FAM3B: variants seen among roughly 807,000 people sequenced by gnomAD.
FAM3B encodes FAM3 metabolism regulating signaling molecule B, also known as protein FAM3B.
In FAM3B, 29 loss-of-function variants were observed where a neutral mutation model predicts 28.4. The observed-to-expected ratio is 1.02, with a 90% CI of 0.76 to 1.39. The LOEUF is 1.39. Among genes scored for constraint, FAM3B ranks in the 40% most tolerant of loss-of-function variants. FAM3B has a pLI of 0.00. For synonymous variants in FAM3B, 91 were observed against 103.0 expected (o/e 0.88, Z 0.71); for missense variants, 266 against 293.9 (o/e 0.91, Z 0.69).
At chr21:41,336,957 C>T (rs186288732) in intron 2 of FAM3B, among the ~76,000 whole-genome samples, 1 of 152,172 alleles carries the variant, frequency 6.6e-6, no homozygotes, top group Non-Finnish European at 1.5e-5. Context: ...TCAACCTATA[C>T]ATTTTTTAAA....
intron 6 of FAM3B, among the ~76,000 whole-genome samples, chr21:41,348,221 C>A (rs2089081872): frequency 6.6e-6 from 1 of 152,192 alleles, no homozygotes; most frequent in Non-Finnish European, 1.5e-5. Context: ...CATCTTTCAG[C>A]AACTTCTCTC....
chr21:41,353,492 G>A (rs778194559), intron 7 of FAM3B, among the ~76,000 whole-genome samples: 4 of 152,216 alleles, frequency 2.6e-5, no homozygotes, highest in Non-Finnish European at 5.9e-5. Context: ...GACTCCAGCA[G>A]ATGTGCATGT....
At chr21:41,335,503 C>T (rs1414759785) in intron 2 of FAM3B, among the ~76,000 whole-genome samples, 1 of 152,142 alleles carries the variant, frequency 6.6e-6, no homozygotes, top group Non-Finnish European at 1.5e-5. Flanking sequence ...CTCCTTCCCA[C>T]CCTCACTCTC....
chr21:41,333,194 A>G (rs370064), intron 2 of FAM3B, among the ~76,000 whole-genome samples: 51,721 of 149,818 alleles, frequency 0.35, 12,397 homozygotes, highest in African/African-American at 0.69. Context: ...TTGATCCATT[A>G]GCCGTTCAGA....
At chr21:41,350,560 C>T (rs1404722405) in intron 7 of FAM3B, among the ~76,000 whole-genome samples, 1 of 152,228 alleles carries the variant, frequency 6.6e-6, no homozygotes, top group Non-Finnish European at 1.5e-5. Context: ...ACCCCAAACC[C>T]AGATCCCTCC....
At chr21:41,327,491 C>T (rs1451790237) in intron 2 of FAM3B, among the ~76,000 whole-genome samples, 1 of 152,160 alleles carries the variant, frequency 6.6e-6, no homozygotes, top group Admixed American at 6.5e-5. Flanking sequence ...GCAAAGAGAC[C>T]CTGCCTTATT....
intron 2 of FAM3B, 87 bp downstream of exon 2, chr21:41,323,153 G>T (rs1157030881): frequency 3.9e-6 from 6 of 1,554,826 alleles, no homozygotes; most frequent in East Asian, 2.3e-5. Flanking sequence ...CTGGAGGCTG[G>T]GGGGCCCTGA....
chr21:41,346,983 A>G (rs746658582), intron 5 of FAM3B, 30 bp from the exon 6 acceptor site: 38 of 1,601,834 alleles, frequency 2.4e-5, no homozygotes, highest in Non-Finnish European at 3.2e-5. Flanking sequence ...AACAGCAAAG[A>G]CCCTAAAACT....
chr21:41,350,688 A>G lies in FAM3B; in HGVS notation c.618+1964A>G, dbSNP rs1258518741. 2.6e-5 allele frequency among the ~76,000 whole-genome samples: 4 copies of G among 152,316 alleles called. No homozygotes were observed. In the East Asian group the frequency reaches 7.7e-4, roughly 29 times the overall value. ...TCAGAGGGTGGGGCCTGGCCTGGAG[A>G]TTCTGATGCACGGGGAAGGGAGCCT... is the stretch of plus-strand genomic sequence containing the variant. On this transcript the variant is annotated intron_variant, in intron 7 of 7. Transcript: ENST00000357985.
At chr21:41,324,682 C>T (rs1309505648) in intron 2 of FAM3B, among the ~76,000 whole-genome samples, 3 of 152,142 alleles carry the variant, frequency 2.0e-5, no homozygotes, top group Non-Finnish European at 4.4e-5. Flanking sequence ...TCTGAGTGCA[C>T]GTGTTTTAAG....
chr21:41,323,158 CCCTGACGG>C (rs1415134475), intron 2 of FAM3B, 92 bp downstream of exon 2: 4 of 1,520,416 alleles, frequency 2.6e-6, no homozygotes, highest in Non-Finnish European at 3.6e-6. Flanking sequence ...GGCTGGGGGG[CCCTGACGG>C]CTTTATATCA....
chr21:41,320,230 TC>T (rs1438870630), intron 1 of FAM3B: 2 of 152,212 alleles, frequency 1.3e-5, no homozygotes, highest in African/African-American at 2.4e-5. Context: ...TGCCTCAGCC[TC>T]CTGTGTAATT....
At chr21:41,324,827 C>T (rs1019619766) in intron 2 of FAM3B, among the ~76,000 whole-genome samples, 6 of 152,178 alleles carry the variant, frequency 3.9e-5, no homozygotes, top group African/African-American at 1.4e-4. Flanking sequence ...TGGGGCCTGG[C>T]GCAGTGGCTC....
intron 7 of FAM3B, among the ~76,000 whole-genome samples, chr21:41,354,496 G>A (rs896746342): frequency 6.6e-6 from 1 of 152,138 alleles, no homozygotes; most frequent in African/African-American, 2.4e-5. Flanking sequence ...ATAATATGCA[G>A]CCATAAAAAA....
intron 7 of FAM3B, among the ~76,000 whole-genome samples, chr21:41,350,130 C>T (rs976771981): frequency 1.9e-4 from 29 of 152,194 alleles, no homozygotes; most frequent in African/African-American, 6.0e-4. Flanking sequence ...GTTAGTTTTG[C>T]GAGGGGACGT....
chr21:41,314,863 G>A (rs2088736207), upstream of FAM3B, among the ~76,000 whole-genome samples: 3 of 151,984 alleles, frequency 2.0e-5, no homozygotes, highest in South Asian at 2.1e-4. Flanking sequence ...TGCAGCTATG[G>A]AAAACAGTAT....
intron 1 of FAM3B, among the ~76,000 whole-genome samples, chr21:41,306,595 A>C (rs1444747638): frequency 1.3e-5 from 2 of 152,264 alleles, no homozygotes; most frequent in African/African-American, 2.4e-5. Context: ...TGATTGTATT[A>C]ATAAATGAAC....
chr21:41,343,536 A>T (rs1159487415), intron 3 of FAM3B, among the ~76,000 whole-genome samples: 1 of 152,244 alleles, frequency 6.6e-6, no homozygotes, highest in Non-Finnish European at 1.5e-5. Flanking sequence ...TAGAAAACTC[A>T]TAGGGGAGTT....
rs933983299 is a variant in FAM3B at position 41,322,767 on chromosome 21, C to T, written c.20-156C>T. 5.9e-6 allele frequency: 6 copies of T among 1,021,342 alleles called. No individual in the cohort carries two copies. In the African/African-American group the frequency reaches 6.3e-5, roughly 11 times the overall value. 63.3% of individuals were successfully genotyped at this position (1,021,342 alleles called of 1,614,324 possible). ...TCTACTTCAAAGGTCCTGACACCGCCTCCCACCCTGGGAGCCTCCTCCCAG... is the reference window on the plus strand; with the variant it reads ...TCTACTTCAAAGGTCCTGACACCGCTTCCCACCCTGGGAGCCTCCTCCCAG... On this transcript the variant is annotated intron_variant, in intron 1 of 7. Coordinates refer to ENST00000357985, the MANE Select transcript of FAM3B (RefSeq NM_058186.4).
Sources: gnomAD v4.1 joint callset for allele counts (sites outside exome capture counted in the v4.1 genomes callset) on GRCh38, gnomAD v4.1.1 for gene constraint, MANE v1.5 for transcripts, NCBI Gene and HGNC (gene_info 2026-07-23, HGNC 2026-07-21) for gene names.